Variants in EPB41L3 observed in about 807,000 individuals in gnomAD.
EPB41L3 encodes erythrocyte membrane protein band 4.1 like 3, also known as band 4.1-like protein 3.
A neutral mutation model predicts 127.1 loss-of-function variants in EPB41L3; 57 were observed. That is an observed-to-expected ratio of 0.45 (90% CI 0.36 to 0.56). The LOEUF (loss-of-function observed/expected upper bound fraction) is 0.56, where lower values mean the gene tolerates loss of function less well. Among genes scored for constraint, EPB41L3 ranks in the 20% least tolerant of loss-of-function variants. The pLI is 0.00. For synonymous variants in EPB41L3, 572 were observed against 549.5 expected, an observed-to-expected ratio of 1.04 and a Z score of -0.57; for missense variants, 1,273 against 1,372.2, an observed-to-expected ratio of 0.93 and a Z score of 1.14.
intron 12 of EPB41L3, among the ~76,000 whole-genome samples, chr18:5,418,300 C>T (rs1370275413): frequency 6.6e-6 from 1 of 152,168 alleles, no homozygotes; most frequent in Non-Finnish European, 1.5e-5. Context: ...CTTAGTGCTA[C>T]GTTTTATATA....
chr18:5,600,920 T>C (rs1331219255), intron 3 of EPB41L3, among the ~76,000 whole-genome samples: 1 of 152,180 alleles, frequency 6.6e-6, no homozygotes, highest in Non-Finnish European at 1.5e-5. Flanking sequence ...CTTCTAAAAA[T>C]GTTTTAACCG....
rs772448407 is a variant in EPB41L3, at chr18:5,395,752, T to TTG, written c.2974-46_2974-45insCA. The TTG allele has an allele frequency of 2.7e-6, 4 of 1,485,138 alleles. No homozygotes were observed. In the Admixed American group the frequency reaches 6.9e-5, roughly 26 times the overall value. The allele number at this position is 1,485,138 out of a possible 1,614,324, so 92.0% of individuals were successfully genotyped here. ...GACCCCTCATCCAGGTGCTCACATC[T>TTG]GCTCTTCAGAAGTTGGCTACGTTAT... On this transcript the variant is annotated intron_variant, in intron 19 of 22. Transcript: ENST00000341928.
In EPB41L3 at chr18:5,394,779, T is replaced by G. The variant is rs1205390158; in HGVS notation, c.3168A>C (p.Ala1056=). 1.2e-6 allele frequency: 2 copies of G among 1,614,134 alleles called. No individual in the cohort carries two copies. Among genetic ancestry groups the G allele is most frequent in the Non-Finnish European group, 1.7e-6 (2 of 1,180,004 alleles). Residue 1056 remains alanine (A), a synonymous_variant, in exon 22 of 23, where the codon GCA becomes GCC. Coordinates refer to ENST00000341928, the MANE Select transcript of EPB41L3 (RefSeq NM_012307.5). ...GGTGCTGCTCTTTGGCCTCTTTAATTGCCTGAGCCAGCGCCTATCCCCGGG... is the reference window on the plus strand; with the variant it reads ...GGTGCTGCTCTTTGGCCTCTTTAATGGCCTGAGCCAGCGCCTATCCCCGGG... ...DIDHDQALAQ[A]IKEAKEQHPD... is the part of the protein sequence containing the mutation.
chr18:5,434,372 T>C (rs1399770542), intron 6 of EPB41L3, among the ~76,000 whole-genome samples: 1 of 152,244 alleles, frequency 6.6e-6, no homozygotes, highest in Non-Finnish European at 1.5e-5. Flanking sequence ...AATAGGGTTT[T>C]ATTAATAAAG....
intron 3 of EPB41L3, among the ~76,000 whole-genome samples, chr18:5,475,215 A>C (rs1332695095): frequency 3.9e-5 from 6 of 152,240 alleles, no homozygotes; most frequent in Admixed American, 3.9e-4. Flanking sequence ...TATCATTATT[A>C]AACAGGGACC....
At chr18:5,574,104 T>A (rs1301017829) in intron 3 of EPB41L3, among the ~76,000 whole-genome samples, 1 of 152,144 alleles carries the variant, frequency 6.6e-6, no homozygotes, top group East Asian at 1.9e-4. Context: ...AGATTATCTC[T>A]TAACAGTGTG....
At chr18:5,602,142 T>C (rs2094598204) in intron 3 of EPB41L3, among the ~76,000 whole-genome samples, 1 of 152,192 alleles carries the variant, frequency 6.6e-6, no homozygotes, top group African/African-American at 2.4e-5. Flanking sequence ...ATTTTGATGG[T>C]AAAGAAGTTT....
At chr18:5,434,590 T>G (rs1311658474) in intron 6 of EPB41L3, among the ~76,000 whole-genome samples, 2 of 152,184 alleles carry the variant, frequency 1.3e-5, no homozygotes, top group Non-Finnish European at 2.9e-5. Flanking sequence ...CATGAGATTA[T>G]AATGGAGCTA....
chr18:5,571,667 T>C (rs1305734680), intron 3 of EPB41L3, among the ~76,000 whole-genome samples: 1 of 152,328 alleles, frequency 6.6e-6, no homozygotes, highest in East Asian at 1.9e-4. Context: ...TGGAGAAAGA[T>C]TTTTATCCCT....
intron 1 of EPB41L3, among the ~76,000 whole-genome samples, chr18:5,503,625 C>T (rs946244023): frequency 9.9e-5 from 15 of 152,204 alleles, no homozygotes; most frequent in Non-Finnish European, 2.2e-4. Flanking sequence ...TGGCCCCTCT[C>T]CACCTCAAAG....
At chr18:5,624,467 A>G (rs189563903) in intron 1 of EPB41L3, among the ~76,000 whole-genome samples, 91 of 152,308 alleles carry the variant, frequency 6.0e-4, no homozygotes, top group Non-Finnish European at 9.0e-4. Flanking sequence ...AAGAATGCCA[A>G]TTTTACAGAT....
intron 3 of EPB41L3, among the ~76,000 whole-genome samples, chr18:5,599,876 T>C (rs1023351580): frequency 6.6e-6 from 1 of 152,196 alleles, no homozygotes; most frequent in African/African-American, 2.4e-5. Context: ...TTTAGAGACG[T>C]ATTTATATTC....
chr18:5,498,213 T>A (rs1049132921), intron 1 of EPB41L3, among the ~76,000 whole-genome samples: 12 of 152,126 alleles, frequency 7.9e-5, no homozygotes, highest in Admixed American at 3.9e-4. Context: ...CTAAAAAAAA[T>A]TTTTCCAGGA....
intron 3 of EPB41L3, chr18:5,467,549 C>CTCT (rs2085220743): frequency 1.3e-5 from 2 of 152,098 alleles, no homozygotes; most frequent in African/African-American, 4.8e-5. Flanking sequence ...CACAAGAAGA[C>CTCT]GGCAAGTGAA....
intron 12 of EPB41L3, 51 bp from the exon 13 acceptor site, chr18:5,416,429 A>C (rs1345195844): frequency 6.6e-7 from 1 of 1,517,748 alleles, no homozygotes; most frequent in Non-Finnish European, 8.8e-7. Flanking sequence ...AGAGGTGCAA[A>C]AGGACAAAAA....
intron 3 of EPB41L3, among the ~76,000 whole-genome samples, chr18:5,605,371 T>C (rs576876944): frequency 4.6e-5 from 7 of 152,126 alleles, no homozygotes; most frequent in Non-Finnish European, 8.8e-5. Flanking sequence ...CAGGTCCCAG[T>C]TCTTTCTGAT....
At chr18:5,547,170 A>G (rs1429300834), upstream of EPB41L3, among the ~76,000 whole-genome samples, 1 of 152,226 alleles carries the variant, frequency 6.6e-6, no homozygotes, top group Non-Finnish European at 1.5e-5. Flanking sequence ...TGAAGATACA[A>G]TTATGATTGA....
At chr18:5,415,093 C>T (rs2076638106) in intron 13 of EPB41L3, among the ~76,000 whole-genome samples, 1 of 152,242 alleles carries the variant, frequency 6.6e-6, no homozygotes, top group Admixed American at 6.5e-5. Context: ...GAAATTTCAG[C>T]CTGCCTTTAC....
chr18:5,445,943 T>C (rs897531907), intron 3 of EPB41L3, among the ~76,000 whole-genome samples: 8 of 151,956 alleles, frequency 5.3e-5, no homozygotes, highest in South Asian at 4.2e-4. Flanking sequence ...CCCCAGTCCA[T>C]AGAAAAAAAA....
Sources: allele counts gnomAD v4.1 joint callset (sites outside exome capture counted in the v4.1 genomes callset), GRCh38; gene constraint gnomAD v4.1.1; transcripts MANE v1.5; gene names NCBI Gene and HGNC (gene_info 2026-07-23, HGNC 2026-07-21).